The following IMMP2L variants were observed in gnomAD, a reference collection of about 807,000 sequenced individuals.
IMMP2L encodes mitochondrial inner membrane protease subunit 2.
Under a neutral mutation model 19.3 loss-of-function variants are expected in IMMP2L, and 18 were observed. The ratio of observed to expected loss-of-function variants is 0.93; its 90% CI spans 0.64 to 1.38. The LOEUF (loss-of-function observed/expected upper bound fraction) is 1.38, where lower values mean the gene tolerates loss of function less well. IMMP2L is among the 40% of genes most tolerant of loss of function. The pLI, the probability that IMMP2L is intolerant of heterozygous loss-of-function variation, is 0.00. For missense variants in IMMP2L, 233 were observed against 218.2 expected (o/e 1.07, Z -0.43); for synonymous variants, 76 against 73.0 (o/e 1.04, Z -0.21).
In IMMP2L at chr7:111,016,439, ATAAT is replaced by A. The variant is rs1206632576; in HGVS notation, c.240-52878_240-52875del. On this transcript the variant is annotated intron_variant, in intron 3 of 5. Transcript: ENST00000405709. ...ATATATATTTTACATTATATTTCAG[ATAAT>A]TATATATAATAAATATATATATTTA... Among the ~76,000 whole-genome samples the A allele has an allele frequency of 4.4e-5, 6 of 135,242 alleles. No individual in the cohort carries two copies. The East Asian group carries it at 1.3e-3, about 29-fold the overall frequency. 88.7% of individuals were successfully genotyped at this position (135,242 alleles called of 152,430 possible). A position where few individuals can be genotyped will look rare whatever the true frequency, so the allele number is the denominator to read the frequency against.
chr7:110,957,981 A>AAC (rs1818539765), intron 4 of IMMP2L, among the ~76,000 whole-genome samples: 1 of 151,992 alleles, frequency 6.6e-6, no homozygotes, highest in African/African-American at 2.4e-5. Context: ...TGAGGGCAGG[A>AAC]ACACTGTCTC....
intron 5 of IMMP2L, among the ~76,000 whole-genome samples, chr7:110,774,944 T>C (rs1799278414): frequency 6.6e-6 from 1 of 151,980 alleles, no homozygotes; most frequent in South Asian, 2.1e-4. Context: ...AAAAAAATAA[T>C]GAACTGGTTA....
intron 3 of IMMP2L, chr7:111,392,941 T>A (rs1167667581): frequency 4.7e-6 from 2 of 424,194 alleles, no homozygotes; most frequent in Middle Eastern, 4.6e-4. Context: ...TGTGGATGTG[T>A]TCGCCAATTA....
At chr7:111,551,145 G>A (rs1563347225) in intron 1 of IMMP2L, among the ~76,000 whole-genome samples, 3 of 152,082 alleles carry the variant, frequency 2.0e-5, no homozygotes, top group Admixed American at 1.3e-4. Context: ...TGTTTGCAAT[G>A]TGTCCCCCAG....
At chr7:111,422,187 G>C (rs71572842) in intron 3 of IMMP2L, among the ~76,000 whole-genome samples, 1 of 151,792 alleles carries the variant, frequency 6.6e-6, no homozygotes, top group Non-Finnish European at 1.5e-5. Context: ...TTTTGGCTTA[G>C]GAGTGTCTTG....
chr7:111,100,735 G>C (rs565215905), intron 3 of IMMP2L, among the ~76,000 whole-genome samples: 1 of 151,376 alleles, frequency 6.6e-6, no homozygotes, highest in Non-Finnish European at 1.5e-5. Flanking sequence ...GAAGTGTAAT[G>C]TATGTAAAAA....
chr7:110,785,649 C>A lies in IMMP2L; in HGVS notation c.408+100944G>T, dbSNP rs77876363. Among the ~76,000 whole-genome samples the A allele has an allele frequency of 3.0e-4, 46 of 151,952 alleles. No homozygotes were observed. In the East Asian group the frequency reaches 8.4e-3, roughly 28 times the overall value. Reference sequence around the variant, plus strand: ...TACTATGGTAGTCTTTTCAGGATACCGCCTTGCATCACCAATGAGAGGAAT... The same window carrying A: ...TACTATGGTAGTCTTTTCAGGATACAGCCTTGCATCACCAATGAGAGGAAT... On this transcript the variant is annotated intron_variant, in intron 5 of 5. Coordinates refer to ENST00000405709, the MANE Select transcript of IMMP2L (RefSeq NM_032549.4).
At chr7:110,864,880 C>T (rs1479790326) in intron 5 of IMMP2L, among the ~76,000 whole-genome samples, 1 of 151,940 alleles carries the variant, frequency 6.6e-6, no homozygotes, top group African/African-American at 2.4e-5. Flanking sequence ...TCTTTTCTTC[C>T]CTGATTTTCT....
chr7:110,882,342 C>CCTTTCCTTCCTTCCT (rs1563050922), intron 5 of IMMP2L, among the ~76,000 whole-genome samples: 1 of 107,052 alleles, frequency 9.3e-6, no homozygotes, highest in Non-Finnish European at 1.9e-5. Flanking sequence ...CCTTCCTTCC[C>CCTTTCCTTCCTTCCT]TCCTTCCTCT....
chr7:111,283,903 G>A (rs1346873839), intron 3 of IMMP2L, among the ~76,000 whole-genome samples: 3 of 147,556 alleles, frequency 2.0e-5, no homozygotes, highest in South Asian at 2.2e-4. Context: ...CCCGGGAGGC[G>A]GAGCTTGCAG....
chr7:111,506,269 A>C (rs997278809), intron 2 of IMMP2L, among the ~76,000 whole-genome samples: 1 of 151,846 alleles, frequency 6.6e-6, no homozygotes, highest in African/African-American at 2.4e-5. Flanking sequence ...CTTCATAATA[A>C]GGTGGACACA....
At chr7:110,747,012 CTAAT>C (rs1451439225) in intron 5 of IMMP2L, among the ~76,000 whole-genome samples, 2 of 151,872 alleles carry the variant, frequency 1.3e-5, no homozygotes, top group African/African-American at 4.8e-5. Context: ...ACTAGCAAGA[CTAAT>C]AAAGAAACAA....
intron 2 of IMMP2L, among the ~76,000 whole-genome samples, chr7:111,508,023 G>A (rs1845096284): frequency 6.6e-6 from 1 of 152,142 alleles, no homozygotes; most frequent in East Asian, 1.9e-4. Flanking sequence ...ACAAATCAAT[G>A]AGGGAGGCCT....
intron 3 of IMMP2L, among the ~76,000 whole-genome samples, chr7:111,375,345 CTTGCTTAAATT>C (rs1830593416): frequency 6.6e-6 from 1 of 152,012 alleles, no homozygotes; most frequent in Non-Finnish European, 1.5e-5. Flanking sequence ...ATCCAATCCA[CTTGCTTAAATT>C]ATGATGTCAA....
rs117487105 is a variant in IMMP2L at position 111,028,181 on chromosome 7, A to T, written c.240-64616T>A. On this transcript the variant is annotated intron_variant, in intron 3 of 5. Coordinates refer to ENST00000405709, the MANE Select transcript of IMMP2L (RefSeq NM_032549.4). ...ATCAACCTTCCTACACAAATTAAAC[A>T]ATTTAAATGAGATTTTTTCAACGTT... 5.3e-5 allele frequency among the ~76,000 whole-genome samples: 8 copies of T among 152,274 alleles called. No homozygotes were observed. In the East Asian group the frequency reaches 1.5e-3, roughly 29 times the overall value.
chr7:110,929,735 A>G (rs889893301), intron 4 of IMMP2L, among the ~76,000 whole-genome samples: 1 of 152,192 alleles, frequency 6.6e-6, no homozygotes, highest in African/African-American at 2.4e-5. Flanking sequence ...CTAAATAACT[A>G]TCCATGACTG....
intron 3 of IMMP2L, among the ~76,000 whole-genome samples, chr7:111,063,086 G>T (rs946900870): frequency 2.0e-5 from 3 of 152,208 alleles, no homozygotes; most frequent in African/African-American, 7.2e-5. Flanking sequence ...CCCTAGCAGG[G>T]ATTCTCCATG....
chr7:110,718,172 G>A (rs746465307), intron 5 of IMMP2L, among the ~76,000 whole-genome samples: 6 of 152,208 alleles, frequency 3.9e-5, no homozygotes, highest in Non-Finnish European at 8.8e-5. Flanking sequence ...ATATAAGGTG[G>A]TGATCTCTCT....
chr7:111,526,989 T>C (rs946339141), intron 1 of IMMP2L, among the ~76,000 whole-genome samples: 11 of 152,138 alleles, frequency 7.2e-5, no homozygotes, highest in African/African-American at 2.7e-4. Context: ...GTGAGCCTCC[T>C]CTTCTTTTCC....
Sources: gnomAD v4.1 joint callset for allele counts (sites outside exome capture counted in the v4.1 genomes callset) on GRCh38, gnomAD v4.1.1 for gene constraint, MANE v1.5 for transcripts, NCBI Gene and HGNC (gene_info 2026-07-23, HGNC 2026-07-21) for gene names.